Variants in STX8 observed in about 807,000 individuals in gnomAD.
The protein encoded by STX8 is syntaxin-8.
In STX8, 23 loss-of-function variants were observed where a neutral mutation model predicts 37.5. That is an observed-to-expected ratio of 0.61 (90% CI 0.44 to 0.87). STX8 has a LOEUF of 0.87. Ranked by LOEUF, STX8 falls within the 40% of genes least tolerant of loss-of-function variation. The pLI, the probability that STX8 is intolerant of heterozygous loss-of-function variation, is 0.00. For missense variants in STX8, 313 were observed against 284.7 expected (o/e 1.10, Z -0.71); for synonymous variants, 115 against 99.1 (o/e 1.16, Z -0.95).
intron 7 of STX8, among the ~76,000 whole-genome samples, chr17:9,363,499 A>G (rs1246943175): frequency 6.6e-6 from 1 of 152,198 alleles, no homozygotes; most frequent in Non-Finnish European, 1.5e-5. Context: ...AGTATGCAAA[A>G]CTAAGTCTGT....
chr17:9,470,520 T>C (rs960621115), intron 6 of STX8, among the ~76,000 whole-genome samples: 2 of 152,230 alleles, frequency 1.3e-5, no homozygotes, highest in Non-Finnish European at 2.9e-5. Flanking sequence ...TGAATGAAAC[T>C]GTGAAGAGCT....
At chr17:9,457,916 G>A (rs535924671) in intron 6 of STX8, among the ~76,000 whole-genome samples, 1 of 152,298 alleles carries the variant, frequency 6.6e-6, no homozygotes, top group African/African-American at 2.4e-5. Flanking sequence ...CACTGTGATT[G>A]GCATAGGATA....
intron 7 of STX8, among the ~76,000 whole-genome samples, chr17:9,338,211 G>A (rs376297543): frequency 6.6e-5 from 10 of 152,018 alleles, no homozygotes; most frequent in East Asian, 1.9e-4. Context: ...CCGCCACCAC[G>A]CCCGGCTAAC....
At chr17:9,560,877 A>G (rs557870596) in intron 2 of STX8, among the ~76,000 whole-genome samples, 1 of 152,320 alleles carries the variant, frequency 6.6e-6, no homozygotes, top group Middle Eastern at 3.4e-3. Context: ...ACAAAAAACT[A>G]CAATAGCTGA....
chr17:9,267,213 C>T (rs1597573433), intron 7 of STX8, among the ~76,000 whole-genome samples: 1 of 152,092 alleles, frequency 6.6e-6, no homozygotes, highest in African/African-American at 2.4e-5. Flanking sequence ...AGTAAGGGAC[C>T]CAATCCTCTA....
chr17:9,517,977 T>TG (rs963425731), intron 4 of STX8, among the ~76,000 whole-genome samples: 29 of 151,942 alleles, frequency 1.9e-4, no homozygotes, highest in African/African-American at 7.0e-4. Context: ...GGGCAAAATT[T>TG]GGGGGGGCTA....
chr17:9,527,830 C>T (rs996227698), intron 4 of STX8, among the ~76,000 whole-genome samples: 2 of 152,208 alleles, frequency 1.3e-5, no homozygotes, highest in Non-Finnish European at 2.9e-5. Flanking sequence ...GTACCTATTA[C>T]ATCTTTAACA....
At chr17:9,528,246 G>A (rs1905659188) in intron 4 of STX8, among the ~76,000 whole-genome samples, 1 of 152,190 alleles carries the variant, frequency 6.6e-6, no homozygotes, top group Non-Finnish European at 1.5e-5. Flanking sequence ...GAGGAGAAAG[G>A]CACTGGAGGG....
intron 4 of STX8, among the ~76,000 whole-genome samples, chr17:9,534,728 C>T (rs1427085567): frequency 6.6e-6 from 1 of 151,946 alleles, no homozygotes; most frequent in Non-Finnish European, 1.5e-5. Context: ...GCGGAGGTTG[C>T]AGTCAGCCGA....
At chr17:9,530,266 G>A (rs542118075) in intron 4 of STX8, among the ~76,000 whole-genome samples, 9 of 147,412 alleles carry the variant, frequency 6.1e-5, no homozygotes, top group South Asian at 2.2e-4. Flanking sequence ...AGCCGAGATC[G>A]CGCCACTGCA....
intron 7 of STX8, among the ~76,000 whole-genome samples, chr17:9,325,621 T>C (rs2142210240): frequency 6.6e-6 from 1 of 152,358 alleles, no homozygotes; most frequent in East Asian, 1.9e-4. Flanking sequence ...AATTACATAG[T>C]TGGTCCTGGG....
chr17:9,557,753 G>A (rs1012398708), intron 2 of STX8, among the ~76,000 whole-genome samples: 2 of 152,134 alleles, frequency 1.3e-5, no homozygotes, highest in Admixed American at 6.5e-5. Context: ...CTGGCCAAGT[G>A]GTGAGCCAAG....
At chr17:9,333,201 G>A (rs918381576) in intron 7 of STX8, among the ~76,000 whole-genome samples, 4 of 152,084 alleles carry the variant, frequency 2.6e-5, no homozygotes, top group African/African-American at 9.7e-5. Flanking sequence ...CCCTCAGCGA[G>A]GTAGTGAGCA....
chr17:9,301,452 C>CT (rs889723021), intron 7 of STX8, among the ~76,000 whole-genome samples: 5 of 151,066 alleles, frequency 3.3e-5, no homozygotes, highest in Admixed American at 6.6e-5. Flanking sequence ...CAGTGCTTTA[C>CT]TTTTTTTTAA....
At chr17:9,443,255 A>G (rs1228053736) in intron 6 of STX8, among the ~76,000 whole-genome samples, 1 of 152,212 alleles carries the variant, frequency 6.6e-6, no homozygotes, top group African/African-American at 2.4e-5. Flanking sequence ...TTGGAGCTGA[A>G]TGATTAAATC....
chr17:9,267,528 AGCCTC>A (rs1907273305), intron 7 of STX8, among the ~76,000 whole-genome samples: 1 of 152,232 alleles, frequency 6.6e-6, no homozygotes, highest in Non-Finnish European at 1.5e-5. Context: ...TGAACGCAGC[AGCCTC>A]CTGCCATCGG....
chr17:9,449,540 G>A (rs904374970), intron 6 of STX8, among the ~76,000 whole-genome samples: 8 of 151,978 alleles, frequency 5.3e-5, no homozygotes, highest in Non-Finnish European at 1.0e-4. Flanking sequence ...CAGCCTGGGC[G>A]ACAGAGCGAG....
At position 9,409,601 on chromosome 17, in the gene STX8, T is replaced by C. The variant is rs140729635; in HGVS notation, c.542-30948A>G. ...CCAAAAGCCATTACAAATTGGCATA[T>C]ACTATTATGTCACTGTGCCAACCAA... is the stretch of plus-strand genomic sequence containing the variant. On this transcript the variant is annotated intron_variant, in intron 6 of 7. Coordinates refer to ENST00000306357, the MANE Select transcript of STX8 (RefSeq NM_004853.3). Among the ~76,000 whole-genome samples the C allele has an allele frequency of 2.7e-3, 412 of 152,318 alleles. 1 individual carries two copies. Among genetic ancestry groups the C allele is most frequent in the African/African-American group, 9.4e-3 (390 of 41,578 alleles).
At chr17:9,546,560 A>G (rs1906523145) in intron 3 of STX8, among the ~76,000 whole-genome samples, 1 of 132,666 alleles carries the variant, frequency 7.5e-6, no homozygotes, top group African/African-American at 2.8e-5. Context: ...AGTTTTATAT[A>G]CTAGCTTTCT....
Sources: gnomAD v4.1 joint callset for allele counts (sites outside exome capture counted in the v4.1 genomes callset) on GRCh38, gnomAD v4.1.1 for gene constraint, MANE v1.5 for transcripts, NCBI Gene and HGNC (gene_info 2026-07-23, HGNC 2026-07-21) for gene names.